COG5: variants seen among roughly 807,000 people sequenced by gnomAD.
The protein encoded by COG5 is component of oligomeric golgi complex 5.
In COG5, 86 loss-of-function variants were observed where a neutral mutation model predicts 110.4. The observed-to-expected ratio is 0.78, with a 90% CI of 0.65 to 0.93. The LOEUF (loss-of-function observed/expected upper bound fraction) is 0.93, where lower values mean the gene tolerates loss of function less well. Ranked by LOEUF, COG5 falls within the 40% of genes least tolerant of loss-of-function variation. COG5 has a pLI of 0.00. For synonymous variants in COG5, 360 were observed against 334.6 expected (o/e 1.08, Z -0.83); for missense variants, 1,077 against 987.0 (o/e 1.09, Z -1.22).
At chr7:107,303,411 A>G (rs7357192) in intron 11 of COG5, among the ~76,000 whole-genome samples, 93,755 of 151,812 alleles carry the variant, frequency 0.62, 30,632 homozygotes, top group African/African-American at 0.85. Context: ...AAATCTTGAC[A>G]CTAAGTTTTT....
intron 6 of COG5, among the ~76,000 whole-genome samples, chr7:107,492,052 G>C (rs1014985742): frequency 2.0e-5 from 3 of 151,878 alleles, no homozygotes; most frequent in Admixed American, 6.6e-5. Flanking sequence ...TTAATATTTT[G>C]TATCTGTGTA....
intron 19 of COG5, among the ~76,000 whole-genome samples, chr7:107,227,666 CCT>C (rs1294905170): frequency 6.6e-6 from 1 of 151,556 alleles, no homozygotes; most frequent in Admixed American, 6.6e-5. Context: ...GGTCATCCTG[CCT>C]CAGCAAACAG....
At chr7:107,473,249 T>C (rs1796746758) in intron 6 of COG5, among the ~76,000 whole-genome samples, 1 of 151,954 alleles carries the variant, frequency 6.6e-6, no homozygotes, top group African/African-American at 2.4e-5. Flanking sequence ...ATTTCAATTT[T>C]CTGTTTCCAC....
chr7:107,563,765 C>G, intron 1 of COG5, 38 bp downstream of exon 1: 1 of 1,610,064 alleles, frequency 6.2e-7, no homozygotes, highest in Non-Finnish European at 8.5e-7. Context: ...CAGCGCAGAC[C>G]CCCAACCCCA....
At chr7:107,205,576 GC>G (rs1398477185) in intron 21 of COG5, among the ~76,000 whole-genome samples, 8 of 152,156 alleles carry the variant, frequency 5.3e-5, no homozygotes, top group Admixed American at 2.6e-4. Context: ...GTGCCAAAGG[GC>G]CTGTTTATCT....
chr7:107,302,540 C>A (rs1368562110), intron 11 of COG5, among the ~76,000 whole-genome samples: 1 of 152,130 alleles, frequency 6.6e-6, no homozygotes, highest in Non-Finnish European at 1.5e-5. Flanking sequence ...GCCAGCTATA[C>A]CTCAGTAAAG....
chr7:107,419,266 T>A (rs980180820), intron 6 of COG5, among the ~76,000 whole-genome samples: 1 of 152,092 alleles, frequency 6.6e-6, no homozygotes, highest in African/African-American at 2.4e-5. Flanking sequence ...GCTTAAAATT[T>A]TAAGATTTTA....
At chr7:107,514,769 A>G (rs191932237) in intron 6 of COG5, among the ~76,000 whole-genome samples, 41 of 152,348 alleles carry the variant, frequency 2.7e-4, no homozygotes, top group Non-Finnish European at 4.3e-4. Flanking sequence ...TAGATATTCA[A>G]TAAACAATGG....
chr7:107,480,644 T>C (rs1797287073), intron 6 of COG5, among the ~76,000 whole-genome samples: 1 of 152,096 alleles, frequency 6.6e-6, no homozygotes, highest in Non-Finnish European at 1.5e-5. Context: ...AGATTGACTT[T>C]TTTCTAAAAA....
chr7:107,298,819 T>C (rs1016199052), intron 11 of COG5, among the ~76,000 whole-genome samples: 7 of 152,176 alleles, frequency 4.6e-5, no homozygotes, highest in African/African-American at 1.4e-4. Context: ...TGAAAAGGCT[T>C]CAAGCCATAC....
chr7:107,202,307 G>GT lies in COG5; in HGVS notation c.*1208dup. 1.3e-5 allele frequency: 2 copies of GT among 152,534 alleles called. No homozygotes were observed. Among genetic ancestry groups the GT allele is most frequent in the Non-Finnish European group, 2.9e-5 (2 of 68,028 alleles). 9.4% of individuals were successfully genotyped at this position (152,534 alleles called of 1,614,324 possible). A position where few individuals can be genotyped will look rare whatever the true frequency, so the allele number is the denominator to read the frequency against. On this transcript the variant is annotated 3_prime_UTR_variant, in exon 22 of 22. Transcript: ENST00000297135. The stretch of plus-strand genomic sequence containing the variant: ...CTTGCACTTTAATTTTCCTCCAACT[G>GT]TCTAAAATTAGAGCAAATACATTGG...
chr7:107,463,022 C>T (rs1250457766), intron 6 of COG5, among the ~76,000 whole-genome samples: 6 of 152,248 alleles, frequency 3.9e-5, no homozygotes, highest in Non-Finnish European at 8.8e-5. Flanking sequence ...TGATGGAACA[C>T]ACTCTCACTT....
At chr7:107,318,304 G>T (rs1808942419) in intron 11 of COG5, among the ~76,000 whole-genome samples, 1 of 152,066 alleles carries the variant, frequency 6.6e-6, no homozygotes, top group Non-Finnish European at 1.5e-5. Flanking sequence ...GCGATTACAG[G>T]CATGAGCCAT....
intron 5 of COG5, among the ~76,000 whole-genome samples, chr7:107,530,949 G>A (rs1304693087): frequency 6.6e-6 from 1 of 152,004 alleles, no homozygotes; most frequent in Non-Finnish European, 1.5e-5. Flanking sequence ...GATCATGTGA[G>A]CCACCACAGA....
intron 19 of COG5, among the ~76,000 whole-genome samples, chr7:107,218,066 A>C (rs886458826): frequency 6.6e-6 from 1 of 152,132 alleles, no homozygotes; most frequent in African/African-American, 2.4e-5. Context: ...TCTGAAAAGG[A>C]AATCAAGAAA....
At chr7:107,460,357 C>T (rs564129787) in intron 6 of COG5, among the ~76,000 whole-genome samples, 2 of 151,712 alleles carry the variant, frequency 1.3e-5, no homozygotes, top group Non-Finnish European at 2.9e-5. Context: ...GACCAGTAAT[C>T]GTACCACCCT....
chr7:107,275,203 G>C (rs1804602352), intron 14 of COG5, among the ~76,000 whole-genome samples: 1 of 151,982 alleles, frequency 6.6e-6, no homozygotes, highest in African/African-American at 2.4e-5. Flanking sequence ...AGGCGCAGTG[G>C]CTCACTTTGG....
chr7:107,366,483 AT>A (rs1813628984), intron 8 of COG5, among the ~76,000 whole-genome samples: 1 of 152,166 alleles, frequency 6.6e-6, no homozygotes, highest in Non-Finnish European at 1.5e-5. Context: ...AAACTTTTCT[AT>A]AAAAGGGAAC....
intron 19 of COG5, among the ~76,000 whole-genome samples, chr7:107,228,287 A>G (rs1042509212): frequency 1.7e-4 from 25 of 148,870 alleles, no homozygotes; most frequent in African/African-American, 6.0e-4. Flanking sequence ...AACCTGGGTG[A>G]CAGAGTGACA....
Sources: allele counts gnomAD v4.1 joint callset (sites outside exome capture counted in the v4.1 genomes callset), GRCh38; gene constraint gnomAD v4.1.1; transcripts MANE v1.5; gene names NCBI Gene and HGNC (gene_info 2026-07-23, HGNC 2026-07-21).